GALNT13: variants seen among roughly 807,000 people sequenced by gnomAD.
GALNT13 encodes the protein polypeptide N-acetylgalactosaminyltransferase 13, also known as UDP-GalNAc:polypeptide N-acetylgalactosaminyltransferase 13.
GALNT13 carries 28 observed loss-of-function variants against 64.2 expected under a neutral mutation model. That is an observed-to-expected ratio of 0.44 (90% CI 0.32 to 0.60). GALNT13 has a LOEUF of 0.60. GALNT13 is among the 20% of genes least tolerant of loss of function. The pLI is 0.05. For missense variants in GALNT13, 577 were observed against 669.8 expected, an observed-to-expected ratio of 0.86 and a Z score of 1.53; for synonymous variants, 214 against 224.6, an observed-to-expected ratio of 0.95 and a Z score of 0.42.
the GALNT13 span, among the ~76,000 whole-genome samples, chr2:153,858,765 C>CT: frequency 3.9e-3 from 587 of 152,098 alleles, 11 homozygotes; most frequent in East Asian, 3.7e-3. Context: ...CACAGCCTCG[C>CT]TTTGTTGCCC....
At chr2:154,267,383 T>G (rs956537681) in intron 8 of GALNT13, among the ~76,000 whole-genome samples, 1 of 152,162 alleles carries the variant, frequency 6.6e-6, no homozygotes, top group African/African-American at 2.4e-5. Flanking sequence ...CTCACGCCTG[T>G]AATCCCAGCA....
the GALNT13 span, among the ~76,000 whole-genome samples, chr2:153,569,565 A>T: frequency 1.3e-5 from 2 of 151,448 alleles, no homozygotes; most frequent in African/African-American, 4.9e-5. Flanking sequence ...GTGGGTACAT[A>T]GTAGGTGTAT....
At chr2:153,585,281 C>T in the GALNT13 span, among the ~76,000 whole-genome samples, 1 of 151,920 alleles carries the variant, frequency 6.6e-6, no homozygotes, top group African/African-American at 2.4e-5. Flanking sequence ...GAAGGAAATA[C>T]AAATACATTT....
chr2:153,272,905 G>T, the GALNT13 span, among the ~76,000 whole-genome samples: 2 of 152,150 alleles, frequency 1.3e-5, no homozygotes, highest in Admixed American at 1.3e-4. Context: ...AGAAAATGTG[G>T]CACATATACA....
the GALNT13 span, among the ~76,000 whole-genome samples, chr2:153,550,200 T>C: frequency 6.6e-6 from 1 of 152,122 alleles, no homozygotes; most frequent in Non-Finnish European, 1.5e-5. Context: ...CATATTTGCA[T>C]GTTGACATGT....
intron 3 of GALNT13, among the ~76,000 whole-genome samples, chr2:154,020,148 C>G (rs201658689): frequency 6.6e-6 from 1 of 152,032 alleles, no homozygotes; most frequent in Non-Finnish European, 1.5e-5. Context: ...TGAATAGTGC[C>G]GCAATAAACA....
chr2:153,153,070 G>C, the GALNT13 span, among the ~76,000 whole-genome samples: 2 of 151,936 alleles, frequency 1.3e-5, no homozygotes, highest in South Asian at 4.2e-4. Context: ...GCTAGCATCT[G>C]TTGTTGACTT....
At chr2:153,491,035 A>G in the GALNT13 span, among the ~76,000 whole-genome samples, 4 of 152,082 alleles carry the variant, frequency 2.6e-5, no homozygotes, top group African/African-American at 9.7e-5. Flanking sequence ...TTATACCACA[A>G]CTATGATTTA....
At chr2:154,256,774 C>T (rs1004661687) in intron 7 of GALNT13, among the ~76,000 whole-genome samples, 1 of 152,176 alleles carries the variant, frequency 6.6e-6, no homozygotes, top group Non-Finnish European at 1.5e-5. Context: ...TGTTCACAGT[C>T]ATTGAGCTGA....
At chr2:154,402,838 G>T (rs192178125) in intron 10 of GALNT13, among the ~76,000 whole-genome samples, 11 of 152,210 alleles carry the variant, frequency 7.2e-5, no homozygotes, top group African/African-American at 2.6e-4. Context: ...GTATATATTT[G>T]AGGTCTCAAG....
intron 4 of GALNT13, among the ~76,000 whole-genome samples, chr2:154,153,802 G>A (rs1016708633): frequency 9.9e-5 from 15 of 152,210 alleles, no homozygotes; most frequent in East Asian, 3.9e-4. Context: ...GTATTAGGGC[G>A]GGAGTGACCC....
intron 4 of GALNT13, among the ~76,000 whole-genome samples, chr2:154,175,813 C>T (rs1389714943): frequency 2.0e-5 from 3 of 151,872 alleles, no homozygotes; most frequent in African/African-American, 7.3e-5. Context: ...CATGATAATC[C>T]CAGACACTTG....
the GALNT13 span, among the ~76,000 whole-genome samples, chr2:153,834,501 T>C: frequency 2.9e-3 from 449 of 152,236 alleles, 4 homozygotes; most frequent in African/African-American, 9.8e-3. Flanking sequence ...AAGTAATTGT[T>C]AGCATAAACA....
At chr2:153,558,819 T>C in the GALNT13 span, among the ~76,000 whole-genome samples, 1 of 152,352 alleles carries the variant, frequency 6.6e-6, no homozygotes, top group East Asian at 1.9e-4. Flanking sequence ...ATGGGTCAGA[T>C]AATAGTATCT....
chr2:153,421,525 A>G, the GALNT13 span: 1 of 229,152 alleles, frequency 4.4e-6, no homozygotes, highest in Admixed American at 4.4e-5. Flanking sequence ...TCAACAGAGA[A>G]GTGAACCCAG....
the GALNT13 span, among the ~76,000 whole-genome samples, chr2:153,772,478 A>G: frequency 6.6e-6 from 1 of 152,042 alleles, no homozygotes; most frequent in South Asian, 2.1e-4. Flanking sequence ...TATCAGCTGA[A>G]TGCCATCACG....
the GALNT13 span, among the ~76,000 whole-genome samples, chr2:153,085,649 G>C: frequency 6.6e-6 from 1 of 152,214 alleles, no homozygotes; most frequent in African/African-American, 2.4e-5. Flanking sequence ...GGATTTCAGA[G>C]AATGTATTAA....
chr2:154,002,458 A>G (rs1405131897), intron 3 of GALNT13, among the ~76,000 whole-genome samples: 1 of 151,660 alleles, frequency 6.6e-6, no homozygotes, highest in African/African-American at 2.4e-5. Context: ...ATTTCTGGTG[A>G]GGTTTTTAAT....
intron 3 of GALNT13, among the ~76,000 whole-genome samples, chr2:154,062,101 T>C (rs1053224584): frequency 6.6e-6 from 1 of 152,202 alleles, no homozygotes; most frequent in Non-Finnish European, 1.5e-5. Flanking sequence ...TATTTTGCAT[T>C]TGTAAGATAT....
Sources: allele counts gnomAD v4.1 joint callset (sites outside exome capture counted in the v4.1 genomes callset), GRCh38; gene constraint gnomAD v4.1.1; transcripts MANE v1.5; gene names NCBI Gene and HGNC (gene_info 2026-07-23, HGNC 2026-07-21).